Variants in SPEG observed in about 807,000 individuals in gnomAD.
The protein encoded by SPEG is striated muscle preferentially expressed protein kinase.
In SPEG, 114 loss-of-function variants were observed where a neutral mutation model predicts 300.4. The ratio of observed to expected loss-of-function variants is 0.38; its 90% confidence interval spans 0.33 to 0.44. The LOEUF is 0.44. Among genes scored for constraint, SPEG ranks in the 20% least tolerant of loss-of-function variants. The pLI, the probability that SPEG is intolerant of heterozygous loss-of-function variation, is 1.00. For synonymous variants in SPEG, 1,964 were observed against 2,018.9 expected (o/e 0.97, Z 0.73); for missense variants, 4,201 against 4,586.2 (o/e 0.92, Z 2.43).
At chr2:219,453,778 G>A (rs983274683) in intron 6 of SPEG, among the ~76,000 whole-genome samples, 2 of 152,260 alleles carry the variant, frequency 1.3e-5, no homozygotes, top group Non-Finnish European at 2.9e-5. Flanking sequence ...CTGTTGTGGA[G>A]CAAGCTGACT....
intron 1 of SPEG, among the ~76,000 whole-genome samples, chr2:219,437,479 G>A (rs1954748832): frequency 6.6e-6 from 1 of 152,220 alleles, no homozygotes; most frequent in Admixed American, 6.5e-5. Context: ...GGAACAGCAG[G>A]CTTGAGAGGC....
chr2:219,461,156 TG>T, intron 6 of SPEG: 3 of 944,864 alleles, frequency 3.2e-6, no homozygotes, highest in Non-Finnish European at 3.8e-6. Flanking sequence ...GTCAGGGCCC[TG>T]GGGACACCCC....
At position 219,484,643 on chromosome 2, in the gene SPEG, G is replaced by C; in HGVS notation, c.7180G>C (p.Val2394Leu). The stretch of plus-strand genomic sequence containing the variant: ...GCGACGGCCTGAGCGCTCACGCTCG[G>C]TGCAGGACCTCAGGGCTGTCGGAGA... ...LVRRPERSRS[V>L]QDLRAVGEPG... The change falls in exon 30 of 41, where the codon GTG (valine) becomes CTG (leucine). Residue 2394 changes from valine to leucine, a missense_variant. Around this residue, in one of 4 missense-constraint regions of SPEG, gnomAD observed 1,578 missense variants for 1,506.0 expected, o/e 1.05. Coordinates refer to ENST00000312358, the MANE Select transcript of SPEG (RefSeq NM_005876.5). 1 of 1,537,790 alleles carries C rather than the reference G, an allele frequency of 6.5e-7. No individual in the cohort carries two copies. The highest frequency in any genetic ancestry group is 8.7e-7 in the Non-Finnish European group (1 of 1,146,870).
At position 219,439,267 on chromosome 2, in the gene SPEG, C is replaced by T. The variant is rs566910714; in HGVS notation, c.388+3902C>T. On this transcript the variant is annotated intron_variant, in intron 1 of 40. Coordinates refer to ENST00000312358, the MANE Select transcript of SPEG (RefSeq NM_005876.5). The surrounding 1 kb of genome is among the most constrained non-coding windows in gnomAD (Gnocchi z 4.5). ...CCCTCTCCACCTGCAGCTCTGCCAC[C>T]CCCTCCCATATTTATTGAGTGCCTA... Among the ~76,000 whole-genome samples the T allele has an allele frequency of 1.1e-4, 16 of 152,258 alleles. No individual in the cohort carries two copies. Among genetic ancestry groups the T allele is most frequent in the African/African-American group, 3.6e-4 (15 of 41,524 alleles).
At chr2:219,470,289 T>A (rs1158731495) in intron 13 of SPEG, among the ~76,000 whole-genome samples, 1 of 139,270 alleles carries the variant, frequency 7.2e-6, no homozygotes, top group Non-Finnish European at 1.5e-5. Flanking sequence ...GAAAGGACTG[T>A]CTGACCCTGG....
intron 7 of SPEG, 21 bp downstream of exon 7, chr2:219,462,078 G>T: frequency 6.3e-7 from 1 of 1,575,666 alleles, no homozygotes; most frequent in Non-Finnish European, 8.6e-7. Context: ...TGAGGCTGGG[G>T]CCTAGCCTCC....
rs953695489 is a variant in SPEG, at chr2:219,469,043, C to T, written c.3486C>T (p.Gly1162=). The change falls in exon 12 of 41, where the codon GGC becomes GGT. Residue 1162 remains glycine, a synonymous_variant. Transcript: ENST00000312358. The stretch of plus-strand genomic sequence containing the variant: ...AAGAGCCCCGGACAGCCGCCTCAGG[C>T]CCCAGGTACCACCGGGGCCCCAAAT... The part of the protein sequence containing the change: ...YVEEPRTAAS[G]PSSKLEKMPS... 6.2e-7 allele frequency: 1 copy of T among 1,611,358 alleles called. No individual in the cohort carries two copies. The highest frequency in any genetic ancestry group is 8.5e-7 in the Non-Finnish European group (1 of 1,178,650).
intron 10 of SPEG, 120 bp downstream of exon 10, chr2:219,467,554 G>A (rs1412262072): frequency 8.2e-7 from 1 of 1,218,686 alleles, no homozygotes; most frequent in East Asian, 2.4e-5. Flanking sequence ...AAGCGGGGGA[G>A]GGTGGGAGCT....
Position 219,483,200 on chromosome 2 carries a change from C to T in SPEG, c.5737C>T (p.Pro1913Ser), listed in dbSNP as rs778451466. 98 of 1,609,226 alleles carry T rather than the reference C, an allele frequency of 6.1e-5. No individual in the cohort carries two copies. The East Asian group carries it at 1.8e-3, about 29-fold the overall frequency. Reference protein sequence around the residue: ...RVWVTMPRRPPPSGGLSSSSD... With the variant: ...RVWVTMPRRPSPSGGLSSSSD... ...GTGGGTGACCATGCCCAGAAGGCCA[C>T]CCCCCAGTGGGGGGCTCTCATCCTC... Residue 1913 changes from proline to serine, a missense_variant, in exon 30 of 41, where the codon CCC becomes TCC. Pro to Ser is a moderately conservative substitution (Grantham distance 74). Transcript: ENST00000312358.
rs1338208388 is a variant in SPEG at position 219,449,201 on chromosome 2, G to T, written c.2043G>T (p.Gly681=). 1.6e-5 allele frequency: 23 copies of T among 1,393,966 alleles called. No individual in the cohort carries two copies. The Admixed American group carries it at 6.3e-4, about 38-fold the overall frequency. The allele number at this position is 1,393,966 out of a possible 1,614,324, so 86.3% of individuals were successfully genotyped here. The part of the protein sequence containing the change: ...RRGPEEDGPW[G]PWDRRGARSQ... ...GGCCGGAGGAGGACGGTCCCTGGGG[G>T]CCCTGGGACCGCCGAGGGGCCCGCA... Residue 681 remains glycine, a synonymous_variant, in exon 4 of 41, where the codon GGG becomes GGT. Transcript: ENST00000312358.
Position 219,481,371 on chromosome 2 carries a change from A to G in SPEG, c.5437A>G (p.Asn1813Asp). ...AACATTGATGAACATCCGAAACTAC[A>G]ACGTGGCCTTCGAGGAGACCACATT... ...RTTLMNIRNY[N>D]VAFEETTFLS... The change falls in exon 27 of 41, where the codon AAC (asparagine) becomes GAC (aspartate). Residue 1813 changes from asparagine (N) to aspartate (D), a missense_variant. Asn to Asp is a conservative substitution (Grantham distance 23, BLOSUM62 1). This residue lies in a region of SPEG where 1,047 missense variants were observed against 1,356.8 expected (regional missense o/e 0.77). Coordinates refer to ENST00000312358, the MANE Select transcript of SPEG (RefSeq NM_005876.5). The surrounding 1 kb of genome is among the most constrained non-coding windows in gnomAD (Gnocchi z 5.4). The G allele has an allele frequency of 6.2e-7, 1 of 1,614,138 alleles. No homozygotes were observed. The highest frequency in any genetic ancestry group is 8.5e-7 in the Non-Finnish European group (1 of 1,180,024).
At position 219,489,104 on chromosome 2, in the gene SPEG, A is replaced by G; in HGVS notation, c.8200A>G (p.Asn2734Asp). 1.2e-6 allele frequency: 2 copies of G among 1,613,874 alleles called. No homozygotes were observed. The highest frequency in any genetic ancestry group is 2.2e-5 in the East Asian group (1 of 44,868). ...CTCAGGCATCCCCGACTGTTACTAC[A>G]ACGTGACCCACCTGCCAGTTGGCGT... ...VSSGIPDCYYNVTHLPVGVTV... is the reference protein window; with the variant it reads ...VSSGIPDCYYDVTHLPVGVTV... The change falls in exon 35 of 41, where the codon AAC (asparagine) becomes GAC (aspartate). Residue 2734 changes from asparagine to aspartate, a missense_variant. Physicochemically the swap from Asn to Asp is conservative, Grantham distance 23 (BLOSUM62 1). Transcript: ENST00000312358.
chr2:219,457,499 G>A (rs950307580), intron 6 of SPEG, among the ~76,000 whole-genome samples: 11 of 152,316 alleles, frequency 7.2e-5, no homozygotes, highest in African/African-American at 2.4e-4. Context: ...CAGGAGAATC[G>A]CTTGAACTTC....
At chr2:219,470,875 A>G (rs1219275783) in intron 13 of SPEG, among the ~76,000 whole-genome samples, 1 of 152,240 alleles carries the variant, frequency 6.6e-6, no homozygotes, top group African/African-American at 2.4e-5. Flanking sequence ...GGGGGAAAGC[A>G]TGTCAGGTAC....
chr2:219,485,487 G>C lies in SPEG; in HGVS notation c.7741+10G>C, dbSNP rs377485879. 3.2e-6 allele frequency: 5 copies of C among 1,549,778 alleles called. No homozygotes were observed. Among genetic ancestry groups the C allele is most frequent in the Non-Finnish European group, 4.4e-6 (5 of 1,146,512 alleles). On this transcript the variant is annotated intron_variant, in intron 31 of 40. Coordinates refer to ENST00000312358, the MANE Select transcript of SPEG (RefSeq NM_005876.5). ...GTGCGCAGTGAGTCAGGTAATAAGA[G>C]GCCTGCTGGGTGAGGACCCTCCTCC...
chr2:219,469,783 A>G (rs1174398761), intron 13 of SPEG, among the ~76,000 whole-genome samples: 4 of 152,238 alleles, frequency 2.6e-5, no homozygotes, highest in African/African-American at 7.2e-5. Flanking sequence ...GTGAAGTCTC[A>G]GTATTCTTGT....
chr2:219,434,985 A>C lies in SPEG; in HGVS notation c.8A>C (p.Lys3Thr). 6.6e-7 allele frequency: 1 copy of C among 1,505,360 alleles called. No individual in the cohort carries two copies. Among genetic ancestry groups the C allele is most frequent in the Non-Finnish European group, 8.8e-7 (1 of 1,134,902 alleles). 93.3% of individuals were successfully genotyped at this position (1,505,360 alleles called of 1,614,324 possible). A position where few individuals can be genotyped will look rare whatever the true frequency, so the allele number is the denominator to read the frequency against. The change falls in exon 1 of 41, where the codon AAA (lysine) becomes ACA (threonine). Residue 3 changes from lysine to threonine, a missense_variant. Coordinates refer to ENST00000312358, the MANE Select transcript of SPEG (RefSeq NM_005876.5). ...GCCCAGCTCTCAGTGGCCATGCAGAAAGCCCGGGGCACGCGAGGCGAGGAT... is the reference window on the plus strand; with the variant it reads ...GCCCAGCTCTCAGTGGCCATGCAGACAGCCCGGGGCACGCGAGGCGAGGAT... MQ[K>T]ARGTRGEDAG...
chr2:219,466,268 T>C lies in SPEG; in HGVS notation c.2882-906T>C, dbSNP rs568397718. 22 of 1,428,418 alleles carry C rather than the reference T, an allele frequency of 1.5e-5. No homozygotes were observed. In the African/African-American group the frequency reaches 2.3e-4, roughly 15 times the overall value. 88.5% of individuals were successfully genotyped at this position (1,428,418 alleles called of 1,614,324 possible). A position where few individuals can be genotyped will look rare whatever the true frequency, so the allele number is the denominator to read the frequency against. ...CCCCTGTGGACCCTCCCTCCCCAAG[T>C]GGACACATGGCTGTGCAGGCCAGGA... is the stretch of plus-strand genomic sequence containing the variant. On this transcript the variant is annotated intron_variant, in intron 9 of 40. Coordinates refer to ENST00000312358, the MANE Select transcript of SPEG (RefSeq NM_005876.5).
At chr2:219,466,792 C>T (rs1182683010) in intron 9 of SPEG, 2 of 1,022,012 alleles carry the variant, frequency 2.0e-6, no homozygotes, top group Non-Finnish European at 2.3e-6. Context: ...GGGCAGGGGG[C>T]CACTGTAGTG....
Sources: allele counts gnomAD v4.1 joint callset (sites outside exome capture counted in the v4.1 genomes callset), GRCh38; gene constraint gnomAD v4.1.1; regional missense constraint gnomAD v4.1.1; non-coding constraint Gnocchi (gnomAD v3.1); transcripts MANE v1.5; gene names NCBI Gene and HGNC (gene_info 2026-07-23, HGNC 2026-07-21).